The following ABR variants were observed in gnomAD, a reference collection of about 807,000 sequenced individuals.
The protein encoded by ABR is ABR activator of RhoGEF and GTPase, also known as active breakpoint cluster region-related protein.
A neutral mutation model predicts 107.2 loss-of-function variants in ABR; 35 were observed. The observed-to-expected ratio is 0.33, with a 90% confidence interval of 0.25 to 0.43. ABR has a LOEUF of 0.43. Among genes scored for constraint, ABR ranks in the 20% least tolerant of loss-of-function variants. The pLI is 1.00. For synonymous variants in ABR, 498 were observed against 462.0 expected, an observed-to-expected ratio of 1.08 and a Z score of -1.00; for missense variants, 815 against 1,115.2, an observed-to-expected ratio of 0.73 and a Z score of 3.83.
chr17:1,160,520 GTTCATTCATTT>G (rs1444749561), intron 1 of ABR, among the ~76,000 whole-genome samples: 1 of 152,174 alleles, frequency 6.6e-6, no homozygotes, highest in Non-Finnish European at 1.5e-5. Flanking sequence ...GTGAATGTCC[GTTCATTCATTT>G]TTCATTCATT....
At chr17:1,072,883 C>T in intron 7 of ABR, 129 bp from the exon 8 acceptor site, 1 of 1,272,742 alleles carries the variant, frequency 7.9e-7, no homozygotes, top group Non-Finnish European at 1.1e-6. Flanking sequence ...AAAATCTGAA[C>T]TACAAATCAG....
At chr17:1,076,714 C>CGGGGCGGGGGGGGGGGGGCGGG (rs2035741150) in intron 6 of ABR, among the ~76,000 whole-genome samples, 1 of 42,140 alleles carries the variant, frequency 2.4e-5, no homozygotes, top group African/African-American at 1.7e-4. Flanking sequence ...GGCAGGTGCA[C>CGGGGCGGGGGGGGGGGGGCGGG]GGGGGGGGTG....
chr17:1,015,623 AT>A, intron 16 of ABR, among the ~76,000 whole-genome samples: 1 of 151,672 alleles, frequency 6.6e-6, no homozygotes, highest in Admixed American at 6.6e-5. Flanking sequence ...CACCCGGCTA[AT>A]TTTTTGTATT....
At chr17:1,155,736 C>T (rs1270417231) in intron 1 of ABR, among the ~76,000 whole-genome samples, 2 of 151,876 alleles carry the variant, frequency 1.3e-5, no homozygotes, top group Non-Finnish European at 1.5e-5. Flanking sequence ...GAGGCCGAGG[C>T]GGGCAGATCA....
chr17:1,013,081 T>C (rs1476212277), intron 17 of ABR, 24 bp downstream of exon 17: 14 of 1,613,196 alleles, frequency 8.7e-6, no homozygotes, highest in Admixed American at 6.7e-5. Flanking sequence ...CTCACGCCAC[T>C]GATCATTCCC....
At chr17:1,056,870 A>G in intron 13 of ABR, 128 bp downstream of exon 13, 1 of 642,864 alleles carries the variant, frequency 1.6e-6, no homozygotes, top group Non-Finnish European at 2.8e-6. Flanking sequence ...GCCACTCAAC[A>G]GTCTCAGCAC....
intron 2 of ABR, among the ~76,000 whole-genome samples, chr17:1,121,753 G>A (rs1010920672): frequency 4.0e-5 from 6 of 151,842 alleles, no homozygotes; most frequent in Non-Finnish European, 7.4e-5. Flanking sequence ...CCCCAAGGCA[G>A]GGCTCTGAGC....
chr17:1,132,369 C>T (rs181163197), intron 1 of ABR, among the ~76,000 whole-genome samples: 2 of 137,058 alleles, frequency 1.5e-5, no homozygotes. Flanking sequence ...ACTTGAATAC[C>T]GAAAGCACTT....
At chr17:1,128,934 G>A (rs1249853131) in intron 1 of ABR, among the ~76,000 whole-genome samples, 1 of 148,100 alleles carries the variant, frequency 6.8e-6, no homozygotes, top group East Asian at 1.9e-4. Context: ...ACCTCGGGGC[G>A]TTTTTACATA....
intron 9 of ABR, among the ~76,000 whole-genome samples, chr17:1,068,662 C>A (rs1187553907): frequency 6.6e-6 from 1 of 152,186 alleles, no homozygotes; most frequent in African/African-American, 2.4e-5. Context: ...ACCCACACTC[C>A]CGGGTAGAGA....
intron 10 of ABR, among the ~76,000 whole-genome samples, chr17:1,061,343 A>T (rs2151096854): frequency 6.6e-6 from 1 of 152,208 alleles, no homozygotes; most frequent in East Asian, 1.9e-4. Context: ...CAGGAGGGGG[A>T]CAGCTGTGCT....
chr17:1,189,150 C>A (rs184815992), upstream of ABR, among the ~76,000 whole-genome samples: 6 of 152,254 alleles, frequency 3.9e-5, no homozygotes, highest in Admixed American at 2.0e-4. Flanking sequence ...AAGGGTGAGA[C>A]TCCGGCCACA....
chr17:1,194,344 C>T (rs572195451), intron 1 of ABR, among the ~76,000 whole-genome samples: 6 of 151,708 alleles, frequency 4.0e-5, no homozygotes, highest in African/African-American at 1.2e-4. Flanking sequence ...CACGCCACCA[C>T]GCCCAGCTAT....
intron 1 of ABR, among the ~76,000 whole-genome samples, chr17:1,226,101 G>A (rs1461618281): frequency 6.6e-6 from 1 of 152,174 alleles, no homozygotes; most frequent in East Asian, 1.9e-4. Flanking sequence ...GCGTTTGACT[G>A]GAGGGAGACA....
At chr17:1,116,951 C>A (rs2039018188) in intron 2 of ABR, among the ~76,000 whole-genome samples, 1 of 152,168 alleles carries the variant, frequency 6.6e-6, no homozygotes, top group Admixed American at 6.5e-5. Flanking sequence ...CCGGAGCAGT[C>A]AGGAGGGAGT....
intron 10 of ABR, among the ~76,000 whole-genome samples, chr17:1,066,133 C>A (rs944579681): frequency 6.6e-6 from 1 of 152,170 alleles, no homozygotes; most frequent in African/African-American, 2.4e-5. Flanking sequence ...CCATCCTCAG[C>A]CTCCCAAAGT....
At chr17:1,019,939 C>T (rs575997893) in intron 16 of ABR, among the ~76,000 whole-genome samples, 1 of 152,280 alleles carries the variant, frequency 6.6e-6, no homozygotes, top group African/African-American at 2.4e-5. Context: ...CAGGGGCACA[C>T]GAGCACTGGG....
intron 5 of ABR, 135 bp from the exon 6 acceptor site, chr17:1,079,525 A>C: frequency 2.4e-6 from 2 of 818,752 alleles, no homozygotes; most frequent in Non-Finnish European, 4.0e-6. Flanking sequence ...GTGGCGGCTC[A>C]CGCCAGTCAT....
At chr17:1,090,729 G>C (rs1449950250) in intron 4 of ABR, among the ~76,000 whole-genome samples, 6 of 152,228 alleles carry the variant, frequency 3.9e-5, no homozygotes, top group Admixed American at 3.9e-4. Flanking sequence ...GCCAGAACAC[G>C]GCAGGGGAGG....
Sources: gnomAD v4.1 joint callset for allele counts (sites outside exome capture counted in the v4.1 genomes callset) on GRCh38, gnomAD v4.1.1 for gene constraint, MANE v1.5 for transcripts, NCBI Gene and HGNC (gene_info 2026-07-23, HGNC 2026-07-21) for gene names.